CEP43: variants seen among roughly 807,000 people sequenced by gnomAD.
CEP43 encodes centrosomal protein 43.
In CEP43, 36 loss-of-function variants were observed where a neutral mutation model predicts 52.6. The observed-to-expected ratio is 0.68, with a 90% CI of 0.52 to 0.90. The LOEUF is 0.90. CEP43 is among the 40% of genes least tolerant of loss of function. The pLI is 0.00. For missense variants in CEP43, 506 were observed against 472.8 expected, an observed-to-expected ratio of 1.07 and a Z score of -0.65; for synonymous variants, 192 against 172.4, an observed-to-expected ratio of 1.11 and a Z score of -0.89.
chr6:167,017,230 C>T (rs1583278267), intron 7 of CEP43, among the ~76,000 whole-genome samples: 1 of 151,914 alleles, frequency 6.6e-6, no homozygotes, highest in African/African-American at 2.4e-5. Flanking sequence ...CTCCTGACCT[C>T]GTGATCCACC....
At chr6:167,005,190 T>C (rs1318346425) in intron 5 of CEP43, among the ~76,000 whole-genome samples, 1 of 152,230 alleles carries the variant, frequency 6.6e-6, no homozygotes, top group Non-Finnish European at 1.5e-5. Flanking sequence ...GGATGTTTTC[T>C]ATTAGAATTT....
At chr6:167,039,821 C>T in intron 12 of CEP43, 83 bp from the exon 13 acceptor site, 2 of 1,408,330 alleles carry the variant, frequency 1.4e-6, no homozygotes, top group Non-Finnish European at 2.0e-6. Flanking sequence ...GGTGGTATCT[C>T]ATTGTGGCTT....
At chr6:167,030,267 G>T (rs1272575490) in intron 10 of CEP43, among the ~76,000 whole-genome samples, 1 of 152,186 alleles carries the variant, frequency 6.6e-6, no homozygotes, top group Non-Finnish European at 1.5e-5. Flanking sequence ...GTCCACCTCT[G>T]CTCTCCTCAC....
At chr6:167,003,847 C>G in intron 4 of CEP43, 36 bp downstream of exon 4, 2 of 1,269,184 alleles carry the variant, frequency 1.6e-6, no homozygotes, top group Non-Finnish European at 2.3e-6. Context: ...TCTTTTGAAA[C>G]CTTTGATACA....
intron 12 of CEP43, among the ~76,000 whole-genome samples, chr6:167,034,494 T>G (rs1487043197): frequency 6.6e-6 from 1 of 152,222 alleles, no homozygotes; most frequent in Non-Finnish European, 1.5e-5. Flanking sequence ...GAACAGAAGA[T>G]CCTTCGATGG....
chr6:167,002,954 C>T lies in CEP43; in HGVS notation c.157-239C>T, dbSNP rs535378884. On this transcript the variant is annotated intron_variant, in intron 2 of 12. Coordinates refer to ENST00000366847, the MANE Select transcript of CEP43 (RefSeq NM_007045.4). The stretch of plus-strand genomic sequence containing the variant: ...ATTTCACACAGGTATTTGAAAATAT[C>T]TAGCTTCAAAAGCAGTTTATAAAAC... Among the ~76,000 whole-genome samples, 2 of 152,256 alleles carry T rather than the reference C, an allele frequency of 1.3e-5. 1 individual carries two copies. Among genetic ancestry groups the T allele is most frequent in the South Asian group, 4.1e-4 (2 of 4,820 alleles).
At chr6:167,033,156 G>A (rs1481443084) in intron 11 of CEP43, among the ~76,000 whole-genome samples, 2 of 114,364 alleles carry the variant, frequency 1.7e-5, no homozygotes, top group South Asian at 3.0e-4. Context: ...TGTTGCCCAC[G>A]CTGGAGTGCA....
chr6:167,034,337 G>T (rs1479151016), intron 12 of CEP43, among the ~76,000 whole-genome samples: 1 of 152,204 alleles, frequency 6.6e-6, no homozygotes, highest in Non-Finnish European at 1.5e-5. Context: ...GCTGAGCCTG[G>T]AGTGCAGAGA....
intron 10 of CEP43, among the ~76,000 whole-genome samples, chr6:167,032,149 G>C (rs891285142): frequency 2.0e-5 from 3 of 152,230 alleles, no homozygotes; most frequent in African/African-American, 7.2e-5. Context: ...GCCTGGCTCT[G>C]TCTGACTGAA....
intron 12 of CEP43, 37 bp from the exon 13 acceptor site, chr6:167,039,867 T>G (rs1331168319): frequency 1.9e-6 from 3 of 1,609,760 alleles, no homozygotes. Context: ...ACTCACATTC[T>G]GACACTTAAT....
rs767741928 is a variant in CEP43, at chr6:167,052,630, G to C, written c.*12652G>C. 2 of 152,190 alleles carry C rather than the reference G, an allele frequency of 1.3e-5. No homozygotes were observed. Among genetic ancestry groups the C allele is most frequent in the Non-Finnish European group, 2.9e-5 (2 of 68,032 alleles). 9.4% of individuals were successfully genotyped at this position (152,190 alleles called of 1,614,324 possible). On this transcript the variant is annotated 3_prime_UTR_variant, in exon 13 of 13. Coordinates refer to ENST00000366847, the MANE Select transcript of CEP43 (RefSeq NM_007045.4). ...TAGTTTTCATGACAGACTTCATTGC[G>C]ATAGTCAAATACTGTTCCACTTACT...
intron 7 of CEP43, among the ~76,000 whole-genome samples, chr6:167,021,087 GA>G (rs943169064): frequency 2.1e-4 from 26 of 126,448 alleles, no homozygotes; most frequent in East Asian, 1.9e-3. Context: ...AAAAAAAAAA[GA>G]AAAAAAAATG....
At chr6:167,027,760 A>G (rs889703712) in intron 10 of CEP43, 3 of 526,652 alleles carry the variant, frequency 5.7e-6, no homozygotes, top group Non-Finnish European at 7.3e-6. Flanking sequence ...AAGAGTAAAT[A>G]GGATTTAAAT....
rs1430831597 is a variant in CEP43 at position 167,046,241 on chromosome 6, T to G, written c.*6263T>G. ...TGTCATGATTTATTGCAGGGTTCAC[T>G]TATTTGATCTACCCCAACTTAACAC... On this transcript the variant is annotated 3_prime_UTR_variant, in exon 13 of 13. Transcript: ENST00000366847. The G allele has an allele frequency of 1.3e-5, 2 of 152,158 alleles. No individual in the cohort carries two copies. The highest frequency in any genetic ancestry group is 4.8e-5 in the African/African-American group (2 of 41,434). The allele number at this position is 152,158 out of a possible 1,614,324, so 9.4% of individuals were successfully genotyped here.
Position 167,048,466 on chromosome 6 carries a change from G to C in CEP43, c.*8488G>C, listed in dbSNP as rs2114862506. On this transcript the variant is annotated 3_prime_UTR_variant, in exon 13 of 13. Coordinates refer to ENST00000366847, the MANE Select transcript of CEP43 (RefSeq NM_007045.4). ...GATTGCAGGAGGTTTGCTTGAGCCG[G>C]GGAGGTCGAGTCTGCAGTGAACTGA... 6.6e-6 allele frequency: 1 copy of C among 152,308 alleles called. No homozygotes were observed. The highest frequency in any genetic ancestry group is 2.1e-4 in the South Asian group (1 of 4,818). The allele number at this position is 152,308 out of a possible 1,614,324, so 9.4% of individuals were successfully genotyped here.
At position 167,000,100 on chromosome 6, in the gene CEP43, A is replaced by G. The variant is rs1779698907; in HGVS notation, c.143A>G (p.Gln48Arg). 2 of 1,612,534 alleles carry G rather than the reference A, an allele frequency of 1.2e-6. No homozygotes were observed. Among genetic ancestry groups the G allele is most frequent in the South Asian group, 1.1e-5 (1 of 90,962 alleles). ...RAAVFLALEE[Q>R]EKVENKTPLV... ...GCTGTGTTTTTAGCACTAGAGGAGC[A>G]AGAAAAAGTAGAGGTATGAAGTTTC... is the stretch of plus-strand genomic sequence containing the variant. Residue 48 changes from glutamine (Q) to arginine (R), a missense_variant, in exon 2 of 13, where the codon CAA becomes CGA. Transcript: ENST00000366847.
intron 12 of CEP43, among the ~76,000 whole-genome samples, chr6:167,038,359 A>G (rs1583294317): frequency 2.0e-5 from 3 of 152,222 alleles, no homozygotes; most frequent in Non-Finnish European, 2.9e-5. Context: ...GTGTCACACC[A>G]TGTCGAGTTT....
intron 2 of CEP43, 39 bp from the exon 3 acceptor site, chr6:167,003,154 G>T: frequency 1.1e-6 from 1 of 912,872 alleles, no homozygotes; most frequent in South Asian, 1.6e-5. Context: ...TTGTTTTTAG[G>T]GTAAACACAT....
intron 7 of CEP43, among the ~76,000 whole-genome samples, chr6:167,018,537 C>T (rs899877349): frequency 3.9e-5 from 6 of 151,988 alleles, no homozygotes; most frequent in South Asian, 2.1e-4. Flanking sequence ...ATTACAGGCA[C>T]GTGCCACCAC....
Sources: allele counts gnomAD v4.1 joint callset (sites outside exome capture counted in the v4.1 genomes callset), GRCh38; gene constraint gnomAD v4.1.1; transcripts MANE v1.5; gene names NCBI Gene and HGNC (gene_info 2026-07-23, HGNC 2026-07-21).